The following RIMS2 variants were observed in gnomAD, a reference collection of about 807,000 sequenced individuals.
RIMS2 encodes regulating synaptic membrane exocytosis 2, also known as regulating synaptic membrane exocytosis protein 2.
In RIMS2, 59 loss-of-function variants were observed where a neutral mutation model predicts 174.4. The ratio of observed to expected loss-of-function variants is 0.34; its 90% CI spans 0.27 to 0.42. RIMS2 has a LOEUF of 0.42. Ranked by LOEUF, RIMS2 falls within the 10% of genes least tolerant of loss-of-function variation. The probability of loss-of-function intolerance (pLI) is 1.00; values close to 1 mark genes in which losing one functional copy is unlikely to be tolerated. For missense variants in RIMS2, 1,620 were observed against 1,666.3 expected (o/e 0.97, Z 0.48); for synonymous variants, 606 against 572.5 (o/e 1.06, Z -0.84).
intron 19 of RIMS2, among the ~76,000 whole-genome samples, chr8:104,165,968 T>A (rs2098794254): frequency 6.6e-6 from 1 of 151,942 alleles, no homozygotes; most frequent in East Asian, 1.9e-4. Flanking sequence ...TTAAATTCTA[T>A]TAGGGAAGAG....
chr8:103,750,462 G>A (rs2097873638), intron 2 of RIMS2, among the ~76,000 whole-genome samples: 2 of 152,040 alleles, frequency 1.3e-5, no homozygotes, highest in Non-Finnish European at 2.9e-5. Flanking sequence ...AGTGTAATTG[G>A]ATTGTTTGCA....
At chr8:104,223,743 C>G in intron 19 of RIMS2, 1 of 1,595,414 alleles carries the variant, frequency 6.3e-7, no homozygotes, top group Non-Finnish European at 8.5e-7. Flanking sequence ...TCCTTCGAGG[C>G]ACTGGCCGGC....
intron 3 of RIMS2, among the ~76,000 whole-genome samples, chr8:103,798,108 T>G (rs1302063395): frequency 1.3e-5 from 2 of 152,152 alleles, no homozygotes; most frequent in Non-Finnish European, 2.9e-5. Context: ...AGTATATACT[T>G]TATATATAAC....
intron 3 of RIMS2, among the ~76,000 whole-genome samples, chr8:103,812,343 T>TTTTTTTTTTTTTTTG (rs2098693600): frequency 2.1e-5 from 3 of 140,166 alleles, no homozygotes; most frequent in Non-Finnish European, 4.6e-5. Flanking sequence ...TTTTTTTTTT[T>TTTTTTTTTTTTTTTG]TTTTTTTTTT....
At chr8:104,253,534 A>G (rs548872984), downstream of RIMS2, 1 of 152,302 alleles carries the variant, frequency 6.6e-6, no homozygotes, top group South Asian at 2.1e-4. Flanking sequence ...GCCATCACCA[A>G]AAGTCTATGT....
At chr8:103,945,881 A>G (rs1206956873) in intron 14 of RIMS2, among the ~76,000 whole-genome samples, 1 of 152,158 alleles carries the variant, frequency 6.6e-6, no homozygotes. Context: ...GACAAACCGT[A>G]TTTCATGGTA....
chr8:103,833,387 G>A (rs1232741081), intron 3 of RIMS2, among the ~76,000 whole-genome samples: 1 of 151,992 alleles, frequency 6.6e-6, no homozygotes, highest in East Asian at 1.9e-4. Flanking sequence ...TGCTTTGTAT[G>A]TGTATAAATT....
At chr8:104,081,414 C>A (rs962127285) in intron 19 of RIMS2, among the ~76,000 whole-genome samples, 1 of 151,802 alleles carries the variant, frequency 6.6e-6, no homozygotes, top group Admixed American at 6.6e-5. Flanking sequence ...TAAAATCCAT[C>A]CAATTATACT....
intron 1 of RIMS2, among the ~76,000 whole-genome samples, chr8:103,581,302 C>A (rs963235105): frequency 5.9e-5 from 9 of 152,042 alleles, no homozygotes; most frequent in Non-Finnish European, 1.3e-4. Context: ...GGGATTCGTC[C>A]CAGGGAATCA....
At chr8:103,568,931 C>G in intron 1 of RIMS2, 1 of 852,960 alleles carries the variant, frequency 1.2e-6, no homozygotes, top group Non-Finnish European at 1.9e-6. Flanking sequence ...CATTGCAAAA[C>G]TGATCTGAAA....
intron 3 of RIMS2, among the ~76,000 whole-genome samples, chr8:103,847,350 G>A (rs950847292): frequency 1.3e-5 from 2 of 152,052 alleles, no homozygotes; most frequent in Admixed American, 6.6e-5. Flanking sequence ...GTCCGGTCCT[G>A]CAAGGTGTCC....
At chr8:103,879,664 G>T (rs2099158074) in intron 3 of RIMS2, among the ~76,000 whole-genome samples, 1 of 151,504 alleles carries the variant, frequency 6.6e-6, no homozygotes, top group Admixed American at 6.6e-5. Flanking sequence ...TATACAAATA[G>T]TGGAATGGTA....
chr8:103,799,557 CCATACTT>C (rs2098590004), intron 3 of RIMS2, among the ~76,000 whole-genome samples: 1 of 152,092 alleles, frequency 6.6e-6, no homozygotes, highest in Non-Finnish European at 1.5e-5. Flanking sequence ...ATGCCTCAGT[CCATACTT>C]CTACTTGTAG....
At chr8:104,087,788 G>A (rs568598553) in intron 19 of RIMS2, among the ~76,000 whole-genome samples, 1 of 152,190 alleles carries the variant, frequency 6.6e-6, no homozygotes, top group South Asian at 2.1e-4. Context: ...GACCAACAAG[G>A]GAGAAAATTC....
chr8:103,792,789 G>T (rs1476150809), intron 3 of RIMS2, among the ~76,000 whole-genome samples: 1 of 151,992 alleles, frequency 6.6e-6, no homozygotes, highest in Non-Finnish European at 1.5e-5. Flanking sequence ...TACCATCAGA[G>T]AATACTATAA....
intron 3 of RIMS2, among the ~76,000 whole-genome samples, chr8:103,852,590 T>C (rs1197517157): frequency 2.0e-5 from 3 of 151,892 alleles, no homozygotes; most frequent in Non-Finnish European, 4.4e-5. Flanking sequence ...ACAGTGTCTA[T>C]TGTTCCCATG....
intron 19 of RIMS2, among the ~76,000 whole-genome samples, chr8:104,200,689 T>C (rs1418033156): frequency 6.6e-6 from 1 of 152,170 alleles, no homozygotes; most frequent in Non-Finnish European, 1.5e-5. Context: ...GGTGGATCAC[T>C]TAAGCCAGGA....
intron 19 of RIMS2, among the ~76,000 whole-genome samples, chr8:104,128,771 T>C (rs1386629455): frequency 6.6e-6 from 1 of 151,904 alleles, no homozygotes; most frequent in Admixed American, 6.6e-5. Flanking sequence ...CTCCCAGCTG[T>C]GCCCCATTTC....
intron 19 of RIMS2, among the ~76,000 whole-genome samples, chr8:104,232,350 T>C (rs2099235131): frequency 6.6e-6 from 1 of 152,246 alleles, no homozygotes; most frequent in South Asian, 2.1e-4. Context: ...TGTGTATACT[T>C]AGCTTAATAT....
Sources: allele counts gnomAD v4.1 joint callset (sites outside exome capture counted in the v4.1 genomes callset), GRCh38; gene constraint gnomAD v4.1.1; transcripts MANE v1.5; gene names NCBI Gene and HGNC (gene_info 2026-07-23, HGNC 2026-07-21).